Variants in GRK2 observed in about 807,000 individuals in gnomAD.
GRK2 encodes adrenergic beta receptor kinase 1.
Under a neutral mutation model 97.8 loss-of-function variants are expected in GRK2, and 23 were observed. That is an observed-to-expected ratio of 0.24 (90% confidence interval 0.17 to 0.33). The LOEUF (loss-of-function observed/expected upper bound fraction) is 0.33. Among genes scored for constraint, GRK2 ranks in the 10% least tolerant of loss-of-function variants. The pLI is 1.00. For synonymous variants in GRK2, 425 were observed against 381.7 expected (o/e 1.11, Z -1.32); for missense variants, 633 against 956.9 (o/e 0.66, Z 4.47).
chr11:67,274,896 C>T (rs1187315098), intron 1 of GRK2, among the ~76,000 whole-genome samples: 2 of 152,138 alleles, frequency 1.3e-5, no homozygotes, highest in African/African-American at 4.8e-5. Context: ...CCTCGGAGCT[C>T]CTGTCAGTTC....
chr11:67,283,093 C>T lies in GRK2; in HGVS notation c.1228-35C>T, dbSNP rs1159084887. 5 of 1,599,386 alleles carry T rather than the reference C, an allele frequency of 3.1e-6. No homozygotes were observed. In the South Asian group the frequency reaches 4.4e-5, roughly 14 times the overall value. ...GCTGGGATGGGGTCAAGGGCTCTTC[C>T]TAAGCCCCTGCTAATGTCCCACTCC... is the stretch of plus-strand genomic sequence containing the variant. On this transcript the variant is annotated intron_variant, in intron 14 of 20. Coordinates refer to ENST00000308595, the MANE Select transcript of GRK2 (RefSeq NM_001619.5).
rs1859801738 is a variant in GRK2, at chr11:67,266,488, G to GGAGCGCGAGCCGGGGCC, written c.-210_-194dup. ...CCCCGACTGCAGTCCCGGCGGGAGC[G>GGAGCGCGAGCCGGGGCC]GAGCGCGAGCCGGGGCCGGGCCCGA... On this transcript the variant is annotated 5_prime_UTR_variant, in exon 1 of 21. Transcript: ENST00000308595. The GGAGCGCGAGCCGGGGCC allele has an allele frequency of 1.4e-5, 2 of 144,982 alleles. No individual in the cohort carries two copies. Among genetic ancestry groups the GGAGCGCGAGCCGGGGCC allele is most frequent in the African/African-American group, 5.0e-5 (2 of 40,342 alleles). 9.0% of individuals were successfully genotyped at this position (144,982 alleles called of 1,614,324 possible).
Position 67,277,266 on chromosome 11 carries a change from C to G in GRK2, c.114-6C>G. 6.2e-7 allele frequency: 1 copy of G among 1,613,472 alleles called. No homozygotes were observed. The highest frequency in any genetic ancestry group is 8.5e-7 in the Non-Finnish European group (1 of 1,179,906). The stretch of plus-strand genomic sequence containing the variant: ...CTTCTGCTTACTGCGCCCCCCTGAC[C>G]CACAGCATCCGCAGTGTCATGCAGA... On this transcript the variant is annotated splice_region_variant and splice_polypyrimidine_tract_variant and intron_variant, in intron 1 of 20. Transcript: ENST00000308595.
intron 1 of GRK2, among the ~76,000 whole-genome samples, chr11:67,272,595 A>T (rs960441099): frequency 5.3e-5 from 8 of 152,184 alleles, no homozygotes; most frequent in African/African-American, 1.9e-4. Context: ...TCAGTGCTGC[A>T]GCTGCTCACT....
In GRK2 at chr11:67,282,723, G is replaced by C; in HGVS notation, c.1161-29G>C. On this transcript the variant is annotated intron_variant, in intron 13 of 20. Transcript: ENST00000308595. This position sits in a 1 kb window ranked among gnomAD's most constrained non-coding sequence, Gnocchi z 6.9. ...CTCCCTTTCCCCATTCCTGTCCTTT[G>C]ACATTGGTTTTTGGCCTTTCTTGCC... The C allele has an allele frequency of 6.2e-7, 1 of 1,609,882 alleles. No individual in the cohort carries two copies. Among genetic ancestry groups the C allele is most frequent in the South Asian group, 1.1e-5 (1 of 90,706 alleles).
rs368860065 is a variant in GRK2 at position 67,277,155 on chromosome 11, G to A, written c.114-117G>A. 1.6e-4 allele frequency: 145 copies of A among 915,364 alleles called. No individual in the cohort carries two copies. The East Asian group carries it at 3.4e-3, about 21-fold the overall frequency. 56.7% of individuals were successfully genotyped at this position (915,364 alleles called of 1,614,324 possible). ...GATAAGTGAGTAGGCCTGACGGGCT[G>A]GCCTCCTTCCTGGAGGGAGTGGCGA... On this transcript the variant is annotated intron_variant, in intron 1 of 20. Coordinates refer to ENST00000308595, the MANE Select transcript of GRK2 (RefSeq NM_001619.5).
At position 67,282,926 on chromosome 11, in the gene GRK2, C is replaced by A; in HGVS notation, c.1227+108C>A. The A allele has an allele frequency of 1.5e-6, 2 of 1,307,576 alleles. No individual in the cohort carries two copies. Among genetic ancestry groups the A allele is most frequent in the Non-Finnish European group, 2.1e-6 (2 of 938,208 alleles). 81.0% of individuals were successfully genotyped at this position (1,307,576 alleles called of 1,614,324 possible). ...AGCCAGCAGAGATCTGGGCCACTGA[C>A]CCCTACTCTGGCCTCTGAGACAGAC... is the stretch of plus-strand genomic sequence containing the variant. On this transcript the variant is annotated intron_variant, in intron 14 of 20. Transcript: ENST00000308595. This position sits in a 1 kb window ranked among gnomAD's most constrained non-coding sequence, Gnocchi z 6.9.
At chr11:67,274,890 G>A (rs1021642879) in intron 1 of GRK2, among the ~76,000 whole-genome samples, 5 of 152,142 alleles carry the variant, frequency 3.3e-5, no homozygotes, top group African/African-American at 9.6e-5. Flanking sequence ...GCCCATCCTC[G>A]GAGCTCCTGT....
Position 67,283,697 on chromosome 11 carries a change from C to T in GRK2, c.1329-10C>T, listed in dbSNP as rs536069313. The T allele has an allele frequency of 1.9e-6, 3 of 1,612,960 alleles. No homozygotes were observed. Among genetic ancestry groups the T allele is most frequent in the African/African-American group, 1.3e-5 (1 of 75,026 alleles). On this transcript the variant is annotated splice_polypyrimidine_tract_variant and intron_variant, in intron 15 of 20. Transcript: ENST00000308595. ...GGGGCTGAGCCCAGATGACTGGCCT[C>T]TCCCCACAGGGCTCAGGAGGTGAAA...
intron 1 of GRK2, among the ~76,000 whole-genome samples, chr11:67,272,327 T>C (rs1460776862): frequency 6.6e-6 from 1 of 152,134 alleles, no homozygotes; most frequent in Non-Finnish European, 1.5e-5. Flanking sequence ...TTGGACATTT[T>C]CTTTGCCACG....
intron 1 of GRK2, among the ~76,000 whole-genome samples, chr11:67,274,256 C>T (rs1859974708): frequency 6.6e-6 from 1 of 151,900 alleles, no homozygotes; most frequent in Non-Finnish European, 1.5e-5. Context: ...CATGATTCGC[C>T]CGCCTCGGCC....
In GRK2 at chr11:67,272,815, C is replaced by G. The variant is rs61759815; in HGVS notation, c.114-4457C>G. ...GAGCAATGCAGTGCCTGAAGCTGGT[C>G]TGTGAGCAGAGGAGTCCCACCCTGC... is the stretch of plus-strand genomic sequence containing the variant. On this transcript the variant is annotated intron_variant, in intron 1 of 20. Coordinates refer to ENST00000308595, the MANE Select transcript of GRK2 (RefSeq NM_001619.5). Among the ~76,000 whole-genome samples the G allele has an allele frequency of 9.6e-3, 1,469 of 152,370 alleles. 7 individuals carry two copies. The highest frequency in any genetic ancestry group is 0.015 in the Non-Finnish European group (1,045 of 68,028).
chr11:67,267,289 A>G (rs1590843677), intron 1 of GRK2, among the ~76,000 whole-genome samples: 1 of 150,710 alleles, frequency 6.6e-6, no homozygotes. Flanking sequence ...TGCTCACGGC[A>G]CTCGCTTTAG....
chr11:67,279,692 C>G lies in GRK2; in HGVS notation c.433C>G (p.Leu145Val). Residue 145 changes from leucine to valine, a missense_variant, in exon 5 of 21, where the codon CTC becomes GTC. Coordinates refer to ENST00000308595, the MANE Select transcript of GRK2 (RefSeq NM_001619.5). ...GGGGAAGAAGCAGGTGCCTCCGGAT[C>G]TCTTCCAGGTGTGTGCCTCCCGGTC... is the stretch of plus-strand genomic sequence containing the variant. The part of the protein sequence containing the change: ...HLGKKQVPPD[L>V]FQPYIEEICQ... The G allele has an allele frequency of 1.2e-6, 2 of 1,613,668 alleles. No individual in the cohort carries two copies. Among genetic ancestry groups the G allele is most frequent in the Non-Finnish European group, 1.7e-6 (2 of 1,179,990 alleles).
Position 67,282,069 on chromosome 11 carries a change from T to G in GRK2, c.957+117T>G, listed in dbSNP as rs1860164750. On this transcript the variant is annotated intron_variant, in intron 11 of 20. Coordinates refer to ENST00000308595, the MANE Select transcript of GRK2 (RefSeq NM_001619.5). The surrounding 1 kb of genome is among the most constrained non-coding windows in gnomAD (Gnocchi z 6.9). ...TCCTGGGACATGGCCGCCCCGTATC[T>G]TCCCATCTCCGCCCCTGCCCTTCCC... 7.1e-7 allele frequency: 1 copy of G among 1,401,544 alleles called. No individual in the cohort carries two copies. Among genetic ancestry groups the G allele is most frequent in the Admixed American group, 1.9e-5 (1 of 52,088 alleles). The allele number at this position is 1,401,544 out of a possible 1,614,324, so 86.8% of individuals were successfully genotyped here. A position where few individuals can be genotyped will look rare whatever the true frequency, so the allele number is the denominator to read the frequency against.
chr11:67,278,796 G>C (rs1860084754), intron 2 of GRK2, among the ~76,000 whole-genome samples: 1 of 152,072 alleles, frequency 6.6e-6, no homozygotes, highest in African/African-American at 2.4e-5. Context: ...GAATCGTGTT[G>C]CACCTGCACA....
rs1214657002 is a variant in GRK2, at chr11:67,276,135, C to CTGG, written c.114-1133_114-1131dup. Among the ~76,000 whole-genome samples, 4 of 152,344 alleles carry CTGG rather than the reference C, an allele frequency of 2.6e-5. No individual in the cohort carries two copies. The highest frequency in any genetic ancestry group is 9.6e-5 in the African/African-American group (4 of 41,580). On this transcript the variant is annotated intron_variant, in intron 1 of 20. Transcript: ENST00000308595. This position sits in a 1 kb window ranked among gnomAD's most constrained non-coding sequence, Gnocchi z 4.2. ...CTGCAGTCATTTCACGGGAGGCCTG[C>CTGG]TGGTGGCCCCATAGACCTGCAGGGC...
chr11:67,285,213 G>A (rs1333285932), intron 20 of GRK2, 25 bp downstream of exon 20: 1 of 1,612,854 alleles, frequency 6.2e-7, no homozygotes, highest in Admixed American at 1.7e-5. Flanking sequence ...AGCCAGGGAT[G>A]GGAGGGCCGA....
chr11:67,281,286 C>T lies in GRK2; in HGVS notation c.647+102C>T, dbSNP rs374717675. 2.6e-6 allele frequency: 3 copies of T among 1,167,204 alleles called. No individual in the cohort carries two copies. Among genetic ancestry groups the T allele is most frequent in the Non-Finnish European group, 3.7e-6 (3 of 803,840 alleles). 72.3% of individuals were successfully genotyped at this position (1,167,204 alleles called of 1,614,324 possible). A position where few individuals can be genotyped will look rare whatever the true frequency, so the allele number is the denominator to read the frequency against. Reference sequence around the variant, plus strand: ...ACAGGGCCACCTGCTGCTCCATGCACTCCTGTCTTGCCGTGCTGTTACCCC... The same window carrying T: ...ACAGGGCCACCTGCTGCTCCATGCATTCCTGTCTTGCCGTGCTGTTACCCC... On this transcript the variant is annotated intron_variant, in intron 8 of 20. Transcript: ENST00000308595. This position sits in a 1 kb window ranked among gnomAD's most constrained non-coding sequence, Gnocchi z 5.7.
Sources: gnomAD v4.1 joint callset for allele counts (sites outside exome capture counted in the v4.1 genomes callset) on GRCh38, gnomAD v4.1.1 for gene constraint, Gnocchi (gnomAD v3.1) non-coding constraint, MANE v1.5 for transcripts, NCBI Gene and HGNC (gene_info 2026-07-23, HGNC 2026-07-21) for gene names.